HECW1: variants seen among roughly 807,000 people sequenced by gnomAD.
The protein encoded by HECW1 is E3 ubiquitin-protein ligase HECW1.
HECW1 carries 61 observed loss-of-function variants against 182.3 expected under a neutral mutation model. The ratio of observed to expected loss-of-function variants is 0.33; its 90% CI spans 0.27 to 0.41. The LOEUF (loss-of-function observed/expected upper bound fraction) is 0.41, where lower values mean the gene tolerates loss of function less well. Ranked by LOEUF, HECW1 falls within the 10% of genes least tolerant of loss-of-function variation. The probability of loss-of-function intolerance (pLI) is 1.00; values close to 1 mark genes in which losing one functional copy is unlikely to be tolerated. For synonymous variants in HECW1, 859 were observed against 832.6 expected (o/e 1.03, Z -0.55); for missense variants, 1,739 against 2,108.9 (o/e 0.82, Z 3.44).
chr7:43,461,866 A>C (rs1354383479), intron 13 of HECW1, among the ~76,000 whole-genome samples: 6 of 152,192 alleles, frequency 3.9e-5, no homozygotes, highest in Non-Finnish European at 7.3e-5. Context: ...CTCCAGATAA[A>C]ATAAAACTGA....
At chr7:43,204,122 G>T (rs939431210) in intron 2 of HECW1, among the ~76,000 whole-genome samples, 7 of 152,036 alleles carry the variant, frequency 4.6e-5, no homozygotes, top group African/African-American at 1.7e-4. Flanking sequence ...TTATACCTTG[G>T]CACCATAATA....
chr7:43,298,829 G>C (rs1562799726), intron 3 of HECW1, among the ~76,000 whole-genome samples: 1 of 152,196 alleles, frequency 6.6e-6, no homozygotes, highest in African/African-American at 2.4e-5. Flanking sequence ...GGCTCTGTCT[G>C]CCGCCCCCAC....
At chr7:43,122,511 C>T (rs1436013536) in intron 2 of HECW1, among the ~76,000 whole-genome samples, 2 of 152,200 alleles carry the variant, frequency 1.3e-5, no homozygotes, top group African/African-American at 4.8e-5. Flanking sequence ...GCTTTAGAAA[C>T]AACTTTTAAC....
Position 43,407,543 on chromosome 7 carries a change from A to G in HECW1, c.632-19A>G. ...CCTCCCTAAAACATATTTAAATTAA[A>G]GTATCCTTTATTTTATAGATTTCCA... is the stretch of plus-strand genomic sequence containing the variant. On this transcript the variant is annotated intron_variant, in intron 7 of 29. Coordinates refer to ENST00000395891, the MANE Select transcript of HECW1 (RefSeq NM_015052.5). 2 of 1,587,120 alleles carry G rather than the reference A, an allele frequency of 1.3e-6. No homozygotes were observed. Among genetic ancestry groups the G allele is most frequent in the Non-Finnish European group, 8.6e-7 (1 of 1,161,306 alleles).
intron 2 of HECW1, among the ~76,000 whole-genome samples, chr7:43,163,358 C>G (rs928136304): frequency 6.6e-6 from 1 of 152,232 alleles, no homozygotes; most frequent in African/African-American, 2.4e-5. Flanking sequence ...TGCACACACA[C>G]ATACACACCC....
At chr7:43,122,434 G>A (rs1470070967) in intron 2 of HECW1, among the ~76,000 whole-genome samples, 2 of 152,162 alleles carry the variant, frequency 1.3e-5, no homozygotes, top group Admixed American at 6.5e-5. Context: ...AGCAAGAGTA[G>A]AAATTGCAGA....
At chr7:43,272,168 C>T (rs1430021468) in intron 3 of HECW1, among the ~76,000 whole-genome samples, 2 of 152,056 alleles carry the variant, frequency 1.3e-5, no homozygotes, top group Admixed American at 6.6e-5. Context: ...GAATCCCTAT[C>T]TCTCACCATA....
intron 5 of HECW1, among the ~76,000 whole-genome samples, chr7:43,347,561 T>C (rs942011526): frequency 6.6e-6 from 1 of 152,114 alleles, no homozygotes; most frequent in African/African-American, 2.4e-5. Context: ...CAGTACCATG[T>C]TGAAGAGGAG....
At chr7:43,506,666 A>G (rs1280124346) in intron 21 of HECW1, among the ~76,000 whole-genome samples, 1 of 152,130 alleles carries the variant, frequency 6.6e-6, no homozygotes, top group Non-Finnish European at 1.5e-5. Flanking sequence ...TCATGCCTGT[A>G]CTCCCAGCAC....
intron 3 of HECW1, among the ~76,000 whole-genome samples, chr7:43,268,278 T>C (rs184772465): frequency 4.6e-5 from 7 of 152,322 alleles, no homozygotes; most frequent in Non-Finnish European, 1.0e-4. Flanking sequence ...AGACTCGCAG[T>C]GTTCTGTAAC....
intron 2 of HECW1, among the ~76,000 whole-genome samples, chr7:43,179,915 A>G (rs771958688): frequency 3.3e-5 from 5 of 152,234 alleles, no homozygotes; most frequent in Non-Finnish European, 7.3e-5. Flanking sequence ...AGGTAAAATG[A>G]ATGAAGGTTC....
intron 24 of HECW1, chr7:43,510,925 C>G (rs971526568): frequency 6.6e-6 from 1 of 152,240 alleles, no homozygotes; most frequent in Admixed American, 6.5e-5. Flanking sequence ...TTAAAAGTGG[C>G]CTCCGTCACT....
intron 8 of HECW1, among the ~76,000 whole-genome samples, chr7:43,437,219 G>A (rs141564669): frequency 1.3e-5 from 2 of 151,926 alleles, no homozygotes; most frequent in African/African-American, 2.4e-5. Flanking sequence ...CTAGTTTCTC[G>A]GGTGTCTTTT....
intron 2 of HECW1, among the ~76,000 whole-genome samples, chr7:43,207,592 A>C (rs976759161): frequency 6.6e-6 from 1 of 152,120 alleles, no homozygotes; most frequent in Non-Finnish European, 1.5e-5. Flanking sequence ...TCTAGCTGAA[A>C]TTTTATGTCT....
chr7:43,381,834 T>A (rs1015175937), intron 6 of HECW1, among the ~76,000 whole-genome samples: 22 of 152,154 alleles, frequency 1.4e-4, no homozygotes, highest in East Asian at 3.9e-4. Context: ...GATAATTTTT[T>A]AAAAATTTTT....
intron 8 of HECW1, among the ~76,000 whole-genome samples, chr7:43,436,443 G>A (rs1295747550): frequency 6.6e-6 from 1 of 152,126 alleles, no homozygotes; most frequent in Non-Finnish European, 1.5e-5. Flanking sequence ...CTGGGCGCAG[G>A]CAGGCTGAGT....
At position 43,456,352 on chromosome 7, in the gene HECW1, C is replaced by A. The variant is rs1221609277; in HGVS notation, c.2556C>A (p.Asn852Lys). 3 of 1,613,924 alleles carry A rather than the reference C, an allele frequency of 1.9e-6. No individual in the cohort carries two copies. Among genetic ancestry groups the A allele is most frequent in the East Asian group, 2.2e-5 (1 of 44,886 alleles). Residue 852 changes from asparagine to lysine, a missense_variant, in exon 13 of 30, where the codon AAC (asparagine) becomes AAA (lysine). By Grantham distance (94) the Asn-to-Lys change is moderately conservative. Around this residue, in one of 5 missense-constraint regions of HECW1, gnomAD observed 971 missense variants for 1,029.1 expected, o/e 0.94. Transcript: ENST00000395891. The stretch of plus-strand genomic sequence containing the variant: ...GGGTCTTTTATGTGGACCACGTGAA[C>A]CGCACAACCACCTGGCAGCGTCCGA... ...HGRVFYVDHV[N>K]RTTTWQRPTA...
intron 2 of HECW1, among the ~76,000 whole-genome samples, chr7:43,195,557 T>C (rs1363835968): frequency 6.6e-6 from 1 of 152,022 alleles, no homozygotes; most frequent in Non-Finnish European, 1.5e-5. Flanking sequence ...ATCACTTCCA[T>C]CTCTTAGGCT....
chr7:43,383,116 A>C lies in HECW1; in HGVS notation c.556-13698A>C, dbSNP rs150008481. Among the ~76,000 whole-genome samples the C allele has an allele frequency of 2.3e-3, 355 of 152,110 alleles. 1 individual carries two copies. Among genetic ancestry groups the C allele is most frequent in the African/African-American group, 7.8e-3 (325 of 41,482 alleles). Reference sequence around the variant, plus strand: ...TACCTGCAAAGGACATGAACTCATTATTTTTTTATGGCAGCATAGTATTCC... The same window carrying C: ...TACCTGCAAAGGACATGAACTCATTCTTTTTTTATGGCAGCATAGTATTCC... On this transcript the variant is annotated intron_variant, in intron 6 of 29. Coordinates refer to ENST00000395891, the MANE Select transcript of HECW1 (RefSeq NM_015052.5).
Sources: gnomAD v4.1 joint callset for allele counts (sites outside exome capture counted in the v4.1 genomes callset) on GRCh38, gnomAD v4.1.1 for gene constraint, gnomAD v4.1.1 regional missense constraint, MANE v1.5 for transcripts, NCBI Gene and HGNC (gene_info 2026-07-23, HGNC 2026-07-21) for gene names.